The following ULK1 variants were observed in gnomAD, a reference collection of about 807,000 sequenced individuals.
ULK1 encodes unc-51 like autophagy activating kinase 1, also known as serine/threonine-protein kinase ULK1.
A neutral mutation model predicts 117.5 loss-of-function variants in ULK1; 48 were observed. That is an observed-to-expected ratio of 0.41 (90% CI 0.32 to 0.52). The LOEUF (loss-of-function observed/expected upper bound fraction) is 0.52. ULK1 is among the 20% of genes least tolerant of loss of function. The pLI, the probability that ULK1 is intolerant of heterozygous loss-of-function variation, is 0.29. For synonymous variants in ULK1, 790 were observed against 637.8 expected, an observed-to-expected ratio of 1.24 and a Z score of -3.60; for missense variants, 1,387 against 1,473.4, an observed-to-expected ratio of 0.94 and a Z score of 0.96.
chr12:131,919,070 G>A (rs537005541), intron 23 of ULK1, 142 bp from the exon 24 acceptor site: 11 of 878,974 alleles, frequency 1.3e-5, no homozygotes, highest in Admixed American at 5.8e-5. Flanking sequence ...GGTGTCGGGC[G>A]TGGCACATCC....
chr12:131,898,398 G>A (rs1274403309), intron 3 of ULK1, among the ~76,000 whole-genome samples: 2 of 152,170 alleles, frequency 1.3e-5, no homozygotes, highest in Non-Finnish European at 2.9e-5. Flanking sequence ...CTCTCAGCCT[G>A]TCTCCAAGCA....
intron 26 of ULK1, 125 bp from the exon 27 acceptor site, chr12:131,920,975 G>A: frequency 7.5e-7 from 1 of 1,327,616 alleles, no homozygotes; most frequent in Non-Finnish European, 1.0e-6. Context: ...CAGCACTTAT[G>A]TCTCCACGTC....
Position 131,902,865 on chromosome 12 carries a change from T to C in ULK1, c.247-4027T>C, listed in dbSNP as rs112610282. Reference sequence around the variant, plus strand: ...GCCCAGGGAGGCAGTTGTGGCCCTTTCTGGTGTCTTAACTGGGTGACTTGA... The same window carrying C: ...GCCCAGGGAGGCAGTTGTGGCCCTTCCTGGTGTCTTAACTGGGTGACTTGA... On this transcript the variant is annotated intron_variant, in intron 3 of 27. Coordinates refer to ENST00000321867, the MANE Select transcript of ULK1 (RefSeq NM_003565.4). This position sits in a 1 kb window ranked among gnomAD's most constrained non-coding sequence, Gnocchi z 6.3. Among the ~76,000 whole-genome samples the C allele has an allele frequency of 3.5e-4, 53 of 152,234 alleles. 1 individual carries two copies. Among genetic ancestry groups the C allele is most frequent in the African/African-American group, 1.2e-3 (49 of 41,522 alleles).
chr12:131,917,976 G>C (rs748711525), intron 22 of ULK1, among the ~76,000 whole-genome samples: 10 of 152,196 alleles, frequency 6.6e-5, no homozygotes, highest in Non-Finnish European at 1.0e-4. Context: ...TCTGGGCCTG[G>C]GGCCTGGCTG....
intron 14 of ULK1, 96 bp downstream of exon 14, chr12:131,913,354 T>C (rs1356984562): frequency 4.0e-6 from 5 of 1,261,616 alleles, no homozygotes; most frequent in Middle Eastern, 4.0e-4. Context: ...ATCGCGCCAC[T>C]GCACTCCAGC....
chr12:131,916,308 A>T (rs1379649940), intron 19 of ULK1, 90 bp from the exon 20 acceptor site: 28 of 1,514,726 alleles, frequency 1.8e-5, no homozygotes, highest in Non-Finnish European at 2.4e-5. Context: ...CATGCCTGCC[A>T]GTTCCTGCGG....
chr12:131,901,355 CA>C (rs199720837), intron 3 of ULK1, among the ~76,000 whole-genome samples: 298 of 100,746 alleles, frequency 3.0e-3, no homozygotes, highest in African/African-American at 6.5e-3. Context: ...AGACTCGTCT[CA>C]AAAAAAAAAA....
At chr12:131,918,969 A>AGGGTGTGGGGGGCG (rs1890018998) in intron 23 of ULK1, among the ~76,000 whole-genome samples, 1 of 11,994 alleles carries the variant, frequency 8.3e-5, no homozygotes, top group Non-Finnish European at 1.7e-4. Flanking sequence ...TGTGGGGTGC[A>AGGGTGTGGGGGGCG]GGGTGTGTGG....
chr12:131,913,268 C>A lies in ULK1; in HGVS notation c.1157+10C>A, dbSNP rs199822723. On this transcript the variant is annotated intron_variant, in intron 14 of 27. Transcript: ENST00000321867. ...GCCTGATGTGCAGTGGGTGAGCCCC[C>A]ATCCCTTACCTCTGTATTTTAGGGG... 7.1e-6 allele frequency: 11 copies of A among 1,553,336 alleles called. No homozygotes were observed. Among genetic ancestry groups the A allele is most frequent in the Non-Finnish European group, 9.5e-6 (11 of 1,153,954 alleles).
intron 8 of ULK1, 119 bp downstream of exon 8, chr12:131,909,356 T>A (rs900714409): frequency 3.3e-5 from 40 of 1,208,236 alleles, no homozygotes; most frequent in South Asian, 6.4e-5. Context: ...GGGTCCTGGC[T>A]GGCGGGGCGG....
chr12:131,922,384 A>G lies in ULK1; in HGVS notation c.*1023A>G, dbSNP rs1490488716. The stretch of plus-strand genomic sequence containing the variant: ...AGCACCCTCCCTACCTGGGCCTGGA[A>G]GCAGATGAGGGGAATACTTCATGCA... On this transcript the variant is annotated 3_prime_UTR_variant, in exon 28 of 28. Coordinates refer to ENST00000321867, the MANE Select transcript of ULK1 (RefSeq NM_003565.4). 4.1e-6 allele frequency: 1 copy of G among 242,022 alleles called. No homozygotes were observed. The highest frequency in any genetic ancestry group is 2.3e-5 in the African/African-American group (1 of 43,652). 15.0% of individuals were successfully genotyped at this position (242,022 alleles called of 1,614,324 possible). A position where few individuals can be genotyped will look rare whatever the true frequency, so the allele number is the denominator to read the frequency against.
chr12:131,921,060 G>T, intron 26 of ULK1, 40 bp from the exon 27 acceptor site: 1 of 1,544,072 alleles, frequency 6.5e-7, no homozygotes. Context: ...GGAGGGAGTG[G>T]GGTGAGCTGG....
chr12:131,918,485 C>A lies in ULK1; in HGVS notation c.2327-12C>A. The stretch of plus-strand genomic sequence containing the variant: ...TGGTCCTGGTGTGCCCCTCATCGCC[C>A]TCTCCCTGCAGCGGGCCCCACTGGC... On this transcript the variant is annotated splice_polypyrimidine_tract_variant and intron_variant, in intron 22 of 27. Coordinates refer to ENST00000321867, the MANE Select transcript of ULK1 (RefSeq NM_003565.4). 6.2e-7 allele frequency: 1 copy of A among 1,607,040 alleles called. No individual in the cohort carries two copies. The highest frequency in any genetic ancestry group is 1.7e-5 in the Admixed American group (1 of 59,590).
At chr12:131,901,708 G>A (rs1353944850) in intron 3 of ULK1, among the ~76,000 whole-genome samples, 1 of 152,212 alleles carries the variant, frequency 6.6e-6, no homozygotes, top group Non-Finnish European at 1.5e-5. Flanking sequence ...CCCCGTGGTG[G>A]GACTGTCACC....
chr12:131,915,856 A>T, intron 18 of ULK1, 35 bp from the exon 19 acceptor site: 1 of 1,603,340 alleles, frequency 6.2e-7, no homozygotes, highest in Non-Finnish European at 8.5e-7. Context: ...GGGCCGCCGG[A>T]CCGGAAGGTC....
rs778080248 is a variant in ULK1 at position 131,903,625 on chromosome 12, C to G, written c.247-3267C>G. ...CTGTCCCAGGGGAGTTGGGAAGACC[C>G]GAATGCCTGTGGTGAGGTGGATGCC... is the stretch of plus-strand genomic sequence containing the variant. On this transcript the variant is annotated intron_variant, in intron 3 of 27. Transcript: ENST00000321867. This position sits in a 1 kb window ranked among gnomAD's most constrained non-coding sequence, Gnocchi z 6.0. Among the ~76,000 whole-genome samples, 4 of 152,132 alleles carry G rather than the reference C, an allele frequency of 2.6e-5. No homozygotes were observed. Among genetic ancestry groups the G allele is most frequent in the African/African-American group, 4.8e-5 (2 of 41,406 alleles).
At chr12:131,913,422 G>A (rs116777792) in intron 14 of ULK1, among the ~76,000 whole-genome samples, 164 bp downstream of exon 14, 4,140 of 150,256 alleles carry the variant, frequency 0.028, 58 homozygotes, top group Middle Eastern at 0.054. Context: ...CCGTTGGCCC[G>A]TGGTGGCTCA....
intron 21 of ULK1, 111 bp from the exon 22 acceptor site, chr12:131,917,300 G>GCTCAAGGCT: frequency 4.0e-6 from 1 of 249,776 alleles, no homozygotes; most frequent in African/African-American, 3.4e-5. Flanking sequence ...GTGGGACGGG[G>GCTCAAGGCT]GTTGGGGGGA....
chr12:131,898,445 C>T (rs990920031), intron 3 of ULK1, among the ~76,000 whole-genome samples: 2 of 152,126 alleles, frequency 1.3e-5, no homozygotes, highest in Admixed American at 6.6e-5. Context: ...GGGTGGCTCT[C>T]AGAGGTTTCC....
Sources: allele counts gnomAD v4.1 joint callset (sites outside exome capture counted in the v4.1 genomes callset), GRCh38; gene constraint gnomAD v4.1.1; non-coding constraint Gnocchi (gnomAD v3.1); transcripts MANE v1.5; gene names NCBI Gene and HGNC (gene_info 2026-07-23, HGNC 2026-07-21).